Variants in LAPTM4B observed in about 807,000 individuals in gnomAD.
LAPTM4B encodes lysosomal-associated transmembrane protein 4B.
LAPTM4B carries 26 observed loss-of-function variants against 28.5 expected under a neutral mutation model. The ratio of observed to expected loss-of-function variants is 0.91; its 90% CI spans 0.67 to 1.27. The LOEUF is 1.27. Among genes scored for constraint, LAPTM4B ranks in the 50% most tolerant of loss-of-function variants. The pLI is 0.00. For missense variants in LAPTM4B, 288 were observed against 285.8 expected, an observed-to-expected ratio of 1.01 and a Z score of -0.06; for synonymous variants, 109 against 106.4, an observed-to-expected ratio of 1.02 and a Z score of -0.15.
intron 1 of LAPTM4B, among the ~76,000 whole-genome samples, chr8:97,781,270 T>C (rs1202059234): frequency 1.6e-5 from 2 of 127,494 alleles, no homozygotes; most frequent in Non-Finnish European, 3.3e-5. Flanking sequence ...TGAGCCACTG[T>C]GCCCGGCCTT....
intron 6 of LAPTM4B, among the ~76,000 whole-genome samples, chr8:97,831,478 G>A (rs902445985): frequency 1.3e-5 from 2 of 152,174 alleles, no homozygotes; most frequent in African/African-American, 4.8e-5. Flanking sequence ...TAGTAGAGTG[G>A]CAGATAGAAC....
At chr8:97,833,256 C>T (rs969413844) in intron 6 of LAPTM4B, among the ~76,000 whole-genome samples, 30 of 151,862 alleles carry the variant, frequency 2.0e-4, no homozygotes, top group African/African-American at 6.8e-4. Context: ...ATCGCTTGAA[C>T]CTGGGAGGTT....
intron 1 of LAPTM4B, among the ~76,000 whole-genome samples, chr8:97,801,868 A>C (rs1816689061): frequency 6.6e-6 from 1 of 150,376 alleles, no homozygotes; most frequent in Non-Finnish European, 1.5e-5. Context: ...AAAAGTATAG[A>C]GGGATTGAAA....
intron 2 of LAPTM4B, among the ~76,000 whole-genome samples, chr8:97,812,870 C>T (rs1048544154): frequency 5.9e-5 from 9 of 152,216 alleles, no homozygotes; most frequent in African/African-American, 1.9e-4. Context: ...GAGAACAGGG[C>T]GTTGAAGAAT....
chr8:97,791,083 G>A (rs1816489471), intron 1 of LAPTM4B, among the ~76,000 whole-genome samples: 1 of 152,024 alleles, frequency 6.6e-6, no homozygotes, highest in Non-Finnish European at 1.5e-5. Context: ...ACAAATTATT[G>A]TTTGTAGAAA....
chr8:97,783,541 A>G (rs1816355672), intron 1 of LAPTM4B, among the ~76,000 whole-genome samples: 1 of 152,210 alleles, frequency 6.6e-6, no homozygotes, highest in Admixed American at 6.6e-5. Context: ...ATAAACAGCC[A>G]GGCTTTCTCT....
intron 1 of LAPTM4B, among the ~76,000 whole-genome samples, chr8:97,790,898 C>T (rs1404475053): frequency 6.6e-6 from 1 of 152,096 alleles, no homozygotes; most frequent in Non-Finnish European, 1.5e-5. Flanking sequence ...TGCCACTGAG[C>T]CCGTCCTAGC....
At chr8:97,847,317 C>T (rs916873312) in intron 6 of LAPTM4B, among the ~76,000 whole-genome samples, 4 of 152,138 alleles carry the variant, frequency 2.6e-5, no homozygotes, top group Non-Finnish European at 4.4e-5. Flanking sequence ...TCTGTGGTTG[C>T]GGTTTTAAAC....
intron 4 of LAPTM4B, among the ~76,000 whole-genome samples, chr8:97,817,310 G>A (rs1053143433): frequency 6.6e-6 from 1 of 151,566 alleles, no homozygotes; most frequent in Non-Finnish European, 1.5e-5. Flanking sequence ...TTTTCTTTTT[G>A]TATCTTATGT....
intron 1 of LAPTM4B, among the ~76,000 whole-genome samples, chr8:97,792,997 CA>C (rs1177376679): frequency 4.6e-4 from 70 of 151,718 alleles, no homozygotes; most frequent in African/African-American, 1.6e-3. Flanking sequence ...AGAAATCATA[CA>C]AAGGATACAA....
intron 1 of LAPTM4B, among the ~76,000 whole-genome samples, chr8:97,781,365 C>T (rs1259641242): frequency 1.4e-5 from 2 of 142,646 alleles, no homozygotes; most frequent in African/African-American, 5.3e-5. Context: ...CTGCAACCTT[C>T]GCCTCCTGGG....
chr8:97,778,970 C>A (rs906501478), intron 1 of LAPTM4B, among the ~76,000 whole-genome samples: 3 of 152,198 alleles, frequency 2.0e-5, no homozygotes, highest in African/African-American at 4.8e-5. Flanking sequence ...AGCAGGACCA[C>A]TGTAAAACGA....
chr8:97,813,334 A>G (rs1246109014), intron 2 of LAPTM4B, among the ~76,000 whole-genome samples: 1 of 152,280 alleles, frequency 6.6e-6, no homozygotes, highest in Non-Finnish European at 1.5e-5. Context: ...AGAAGCATCC[A>G]GCACGGGAGA....
chr8:97,794,811 T>G (rs1459061491), intron 1 of LAPTM4B, among the ~76,000 whole-genome samples: 1 of 152,192 alleles, frequency 6.6e-6, no homozygotes, highest in African/African-American at 2.4e-5. Flanking sequence ...CCTCCCATGT[T>G]CAAGTGATTC....
At chr8:97,824,604 A>T (rs148042888) in intron 5 of LAPTM4B, among the ~76,000 whole-genome samples, 124 of 152,320 alleles carry the variant, frequency 8.1e-4, no homozygotes, top group African/African-American at 2.4e-3. Flanking sequence ...TGAAATTTTT[A>T]AAAAAATCGA....
At chr8:97,779,714 G>A (rs1003856861) in intron 1 of LAPTM4B, among the ~76,000 whole-genome samples, 1 of 150,060 alleles carries the variant, frequency 6.7e-6, no homozygotes, top group Non-Finnish European at 1.5e-5. Flanking sequence ...GAACTCTGGA[G>A]GTGGAAAGTC....
chr8:97,807,865 T>A (rs1266368830), intron 2 of LAPTM4B, among the ~76,000 whole-genome samples: 7 of 140,492 alleles, frequency 5.0e-5, no homozygotes, highest in African/African-American at 1.9e-4. Flanking sequence ...GTTGGGGCAT[T>A]AAAGTTACTG....
Position 97,788,619 on chromosome 8 carries a change from A to G in LAPTM4B, c.99+12511A>G, listed in dbSNP as rs191298814. Among the ~76,000 whole-genome samples, 87 of 152,212 alleles carry G rather than the reference A, an allele frequency of 5.7e-4. No homozygotes were observed. The East Asian group carries it at 0.016, about 28-fold the overall frequency. The stretch of plus-strand genomic sequence containing the variant: ...CTTTTGCACCTCAGATCTGCTGTCT[A>G]GGATCATTATTCCTTTGTATGAAAT... On this transcript the variant is annotated intron_variant, in intron 1 of 6. Transcript: ENST00000521545.
chr8:97,790,086 AAC>A (rs1268009834), intron 1 of LAPTM4B, among the ~76,000 whole-genome samples: 4 of 152,206 alleles, frequency 2.6e-5, no homozygotes, highest in Non-Finnish European at 4.4e-5. Context: ...CTGTATATGT[AAC>A]ACAGTTTCTT....
Sources: allele counts gnomAD v4.1 joint callset (sites outside exome capture counted in the v4.1 genomes callset), GRCh38; gene constraint gnomAD v4.1.1; transcripts MANE v1.5; gene names NCBI Gene and HGNC (gene_info 2026-07-23, HGNC 2026-07-21).